MYLK: variants seen among roughly 807,000 people sequenced by gnomAD.
MYLK encodes myosin light chain kinase, smooth muscle.
MYLK carries 106 observed loss-of-function variants against 203.4 expected under a neutral mutation model. The observed-to-expected ratio is 0.52, with a 90% CI of 0.45 to 0.61. MYLK has a LOEUF of 0.61. MYLK is among the 20% of genes least tolerant of loss of function. The pLI is 0.00. For synonymous variants in MYLK, 867 were observed against 959.5 expected (o/e 0.90, Z 1.78); for missense variants, 2,072 against 2,442.3 (o/e 0.85, Z 3.20).
chr3:123,786,090 G>C (rs2064507431), intron 4 of MYLK, among the ~76,000 whole-genome samples: 1 of 152,062 alleles, frequency 6.6e-6, no homozygotes, highest in African/African-American at 2.4e-5. Context: ...ATCACCTGAG[G>C]TCAGGAGTTC....
At chr3:123,816,795 C>T (rs1182412949) in intron 3 of MYLK, among the ~76,000 whole-genome samples, 1 of 152,214 alleles carries the variant, frequency 6.6e-6, no homozygotes, top group African/African-American at 2.4e-5. Context: ...TGGGAATAAA[C>T]ACACACAGAT....
chr3:123,658,458 A>ATGGTTT, intron 23 of MYLK, among the ~76,000 whole-genome samples: 1 of 152,132 alleles, frequency 6.6e-6, no homozygotes, highest in South Asian at 2.1e-4. Flanking sequence ...TATTTTTCAG[A>ATGGTTT]TTTAGTTTTT....
intron 4 of MYLK, among the ~76,000 whole-genome samples, chr3:123,767,934 G>C (rs2063758746): frequency 6.6e-6 from 1 of 152,210 alleles, no homozygotes; most frequent in African/African-American, 2.4e-5. Flanking sequence ...ACACTCTAGA[G>C]AGTCCTCTTC....
At chr3:123,740,049 G>A in intron 5 of MYLK, 48 bp from the exon 6 acceptor site, 1 of 1,599,070 alleles carries the variant, frequency 6.3e-7, no homozygotes, top group Non-Finnish European at 8.6e-7. Context: ...CCAACTTGGA[G>A]CAATGAAAGT....
intron 2 of MYLK, among the ~76,000 whole-genome samples, chr3:123,850,360 A>G (rs1481315502): frequency 2.0e-5 from 3 of 152,164 alleles, no homozygotes; most frequent in African/African-American, 7.2e-5. Context: ...AATCCCACCA[A>G]CAGTGTAAAA....
At chr3:123,861,897 T>C (rs1012420636) in intron 2 of MYLK, among the ~76,000 whole-genome samples, 2 of 152,210 alleles carry the variant, frequency 1.3e-5, no homozygotes, top group Non-Finnish European at 2.9e-5. Context: ...TGGGTTTCTG[T>C]GGGCCATCTG....
At chr3:123,666,803 G>T in intron 21 of MYLK, 1 of 547,384 alleles carries the variant, frequency 1.8e-6, no homozygotes. Context: ...AGCCCCAAGA[G>T]GGTCATGTAC....
At chr3:123,735,371 C>G (rs758223961) in intron 9 of MYLK, 27 bp downstream of exon 9, 1 of 1,613,816 alleles carries the variant, frequency 6.2e-7, no homozygotes, top group East Asian at 2.2e-5. Context: ...AGAGGGAAAA[C>G]GTAAAAGTCA....
chr3:123,832,214 C>T (rs2066352066), intron 2 of MYLK, among the ~76,000 whole-genome samples: 1 of 152,216 alleles, frequency 6.6e-6, no homozygotes, highest in Admixed American at 6.5e-5. Context: ...GGCTGATATG[C>T]TCTGTTCCCC....
At chr3:123,857,123 C>T (rs975053054) in intron 2 of MYLK, among the ~76,000 whole-genome samples, 372 of 151,870 alleles carry the variant, frequency 2.4e-3, no homozygotes, top group African/African-American at 8.1e-3. Context: ...GTTAGAATGG[C>T]GATCATTAAA....
intron 33 of MYLK, among the ~76,000 whole-genome samples, chr3:123,615,928 C>T (rs542482127): frequency 1.5e-4 from 23 of 152,176 alleles, no homozygotes; most frequent in African/African-American, 5.3e-4. Flanking sequence ...GGATTACAGG[C>T]GTGAGCCACT....
chr3:123,801,387 CTTCT>C (rs760133229), intron 3 of MYLK, among the ~76,000 whole-genome samples: 1 of 152,120 alleles, frequency 6.6e-6, no homozygotes, highest in Non-Finnish European at 1.5e-5. Context: ...GAAAAGTGGT[CTTCT>C]TTATTTTTTA....
intron 21 of MYLK, 72 bp downstream of exon 21, chr3:123,667,065 T>C: frequency 7.2e-7 from 1 of 1,398,410 alleles, no homozygotes; most frequent in East Asian, 2.3e-5. Flanking sequence ...CAGGTGTCAG[T>C]CTAGCAAGGT....
At chr3:123,825,494 T>C (rs555157443) in intron 3 of MYLK, among the ~76,000 whole-genome samples, 4 of 152,144 alleles carry the variant, frequency 2.6e-5, no homozygotes, top group South Asian at 2.1e-4. Flanking sequence ...AATCCCACAG[T>C]CCTTACAAGT....
In MYLK at chr3:123,700,098, C is replaced by T. The variant is rs762309479; in HGVS notation, c.3370G>A (p.Asp1124Asn). ...KLLLQCQVSS[D>N]PPATIIWTLN... Reference sequence around the variant, plus strand: ...GTCCAGATGATGGTGGCTGGGGGGTCAGAAGACACCTGGCACTGGAGCAGC... The same window carrying T: ...GTCCAGATGATGGTGGCTGGGGGGTTAGAAGACACCTGGCACTGGAGCAGC... The change falls in exon 18 of 34, where the codon GAC becomes AAC. Residue 1124 changes from aspartate (D) to asparagine (N), a missense_variant. Asp to Asn is a conservative substitution (Grantham distance 23). Around this residue, in one of 3 missense-constraint regions of MYLK, gnomAD observed 865 missense variants for 1,016.0 expected, o/e 0.85. Transcript: ENST00000360304. The T allele has an allele frequency of 6.2e-7, 1 of 1,613,818 alleles. No individual in the cohort carries two copies. The highest frequency in any genetic ancestry group is 1.3e-5 in the African/African-American group (1 of 74,838).
rs907555549 is a variant in MYLK, at chr3:123,732,867, T to C, written c.1516+29A>G. ...CCATGAATGGTTGTCCCACAGAGAA[T>C]GCGGGGTGACCTGGAGAAGTGTACT... On this transcript the variant is annotated intron_variant, in intron 11 of 33. Coordinates refer to ENST00000360304, the MANE Select transcript of MYLK (RefSeq NM_053025.4). 4 of 1,604,396 alleles carry C rather than the reference T, an allele frequency of 2.5e-6. No homozygotes were observed. The African/African-American group carries it at 5.4e-5, about 21-fold the overall frequency.
intron 19 of MYLK, among the ~76,000 whole-genome samples, chr3:123,690,808 C>G (rs1252985151): frequency 2.6e-5 from 4 of 152,028 alleles, no homozygotes; most frequent in Admixed American, 2.0e-4. Context: ...CTTCCAAGAC[C>G]CAGCTCCCAA....
At chr3:123,682,027 G>T in intron 20 of MYLK, 197 bp downstream of exon 20, 1 of 655,038 alleles carries the variant, frequency 1.5e-6, no homozygotes, top group Non-Finnish European at 2.8e-6. Flanking sequence ...AGAGAGCACT[G>T]GGATGGGGTG....
intron 31 of MYLK, chr3:123,623,115 T>C (rs2697524): frequency 0.025 from 3,796 of 152,330 alleles, 65 homozygotes; most frequent in Middle Eastern, 0.088. Context: ...CTGACATACA[T>C]ACAGCAAGCT....
Sources: gnomAD v4.1 joint callset for allele counts (sites outside exome capture counted in the v4.1 genomes callset) on GRCh38, gnomAD v4.1.1 for gene constraint, gnomAD v4.1.1 regional missense constraint, MANE v1.5 for transcripts, NCBI Gene and HGNC (gene_info 2026-07-23, HGNC 2026-07-21) for gene names.